Variants in CCBE1 observed in about 807,000 individuals in gnomAD.
The protein encoded by CCBE1 is collagen and calcium-binding EGF domain-containing protein 1.
A neutral mutation model predicts 50.0 loss-of-function variants in CCBE1; 37 were observed. The observed-to-expected ratio is 0.74, with a 90% CI of 0.57 to 0.97. The LOEUF is 0.97. Among genes scored for constraint, CCBE1 ranks in the 50% least tolerant of loss-of-function variants. The pLI is 0.00. For synonymous variants in CCBE1, 234 were observed against 203.7 expected, an observed-to-expected ratio of 1.15 and a Z score of -1.27; for missense variants, 538 against 523.8, an observed-to-expected ratio of 1.03 and a Z score of -0.26.
chr18:59,537,008 AT>A (rs1282938737), intron 2 of CCBE1, among the ~76,000 whole-genome samples: 8 of 151,128 alleles, frequency 5.3e-5, no homozygotes, highest in African/African-American at 9.8e-5. Flanking sequence ...AAAAAAAAAA[AT>A]GGATGTTTTT....
chr18:59,543,592 T>C (rs1243351650), intron 2 of CCBE1, among the ~76,000 whole-genome samples: 3 of 151,868 alleles, frequency 2.0e-5, no homozygotes, highest in Admixed American at 6.6e-5. Flanking sequence ...TCCCAGCACT[T>C]TGAGAGGCCG....
chr18:59,479,734 C>T (rs909372628), intron 3 of CCBE1, among the ~76,000 whole-genome samples: 6 of 152,200 alleles, frequency 3.9e-5, no homozygotes, highest in African/African-American at 7.2e-5. Context: ...GCTGGGTCCC[C>T]GCCTTACTTT....
chr18:59,652,776 A>T (rs1302387269), intron 2 of CCBE1, among the ~76,000 whole-genome samples: 1 of 152,204 alleles, frequency 6.6e-6, no homozygotes, highest in African/African-American at 2.4e-5. Context: ...CATCCTGGCT[A>T]ACACGGTGAA....
chr18:59,476,707 G>A (rs1912322703), intron 3 of CCBE1, among the ~76,000 whole-genome samples: 1 of 152,198 alleles, frequency 6.6e-6, no homozygotes, highest in African/African-American at 2.4e-5. Flanking sequence ...CCACTCATTA[G>A]TTAACGTATT....
intron 3 of CCBE1, among the ~76,000 whole-genome samples, chr18:59,477,575 T>G (rs1210976062): frequency 6.6e-6 from 1 of 151,844 alleles, no homozygotes; most frequent in African/African-American, 2.4e-5. Context: ...TGCACCTGCA[T>G]GCCAATCTTT....
chr18:59,635,926 C>G (rs2053910188), intron 2 of CCBE1, among the ~76,000 whole-genome samples: 1 of 152,114 alleles, frequency 6.6e-6, no homozygotes. Context: ...CTTTACTAGG[C>G]TGAGGTGGGA....
intron 2 of CCBE1, among the ~76,000 whole-genome samples, chr18:59,579,530 T>G (rs1222840234): frequency 6.6e-6 from 1 of 152,244 alleles, no homozygotes; most frequent in Non-Finnish European, 1.5e-5. Context: ...ACTATCATTA[T>G]TCTGGTTCCA....
intron 2 of CCBE1, among the ~76,000 whole-genome samples, chr18:59,532,786 C>CG (rs1915102133): frequency 6.6e-6 from 1 of 152,176 alleles, no homozygotes; most frequent in Non-Finnish European, 1.5e-5. Context: ...ATTCAAAATA[C>CG]GGAGATTTCA....
intron 3 of CCBE1, among the ~76,000 whole-genome samples, chr18:59,473,240 T>C (rs904638354): frequency 1.3e-5 from 2 of 152,216 alleles, no homozygotes; most frequent in Admixed American, 6.5e-5. Flanking sequence ...ACTGATAGTC[T>C]GTGTATATAA....
chr18:59,548,138 C>A (rs573863525), intron 2 of CCBE1, among the ~76,000 whole-genome samples: 1 of 152,172 alleles, frequency 6.6e-6, no homozygotes, highest in Non-Finnish European at 1.5e-5. Flanking sequence ...AAGACAGTCT[C>A]GTCTTATGAG....
intron 2 of CCBE1, among the ~76,000 whole-genome samples, chr18:59,586,626 G>A (rs752344801): frequency 5.3e-5 from 8 of 152,206 alleles, no homozygotes; most frequent in Admixed American, 3.3e-4. Context: ...CGATGGGAAA[G>A]AAAAGTTGGC....
At chr18:59,477,367 G>A (rs558688214) in intron 3 of CCBE1, among the ~76,000 whole-genome samples, 2 of 152,344 alleles carry the variant, frequency 1.3e-5, no homozygotes, top group East Asian at 3.9e-4. Flanking sequence ...ACCAGGTAGA[G>A]AAAGAACCAC....
At chr18:59,680,631 G>A (rs547164434) in intron 2 of CCBE1, among the ~76,000 whole-genome samples, 2 of 151,692 alleles carry the variant, frequency 1.3e-5, no homozygotes, top group Non-Finnish European at 1.5e-5. Context: ...CCGGGAGGCG[G>A]AGGTTGCAGT....
At chr18:59,494,185 G>C (rs1294149433) in intron 2 of CCBE1, among the ~76,000 whole-genome samples, 1 of 152,180 alleles carries the variant, frequency 6.6e-6, no homozygotes, top group African/African-American at 2.4e-5. Context: ...TCAATTTCAG[G>C]AGCCAGGGAA....
chr18:59,539,651 T>C (rs1057040788), intron 2 of CCBE1, among the ~76,000 whole-genome samples: 2 of 152,220 alleles, frequency 1.3e-5, no homozygotes, highest in Non-Finnish European at 2.9e-5. Flanking sequence ...CATAAGGCTA[T>C]TGGCAGTAAC....
intron 2 of CCBE1, among the ~76,000 whole-genome samples, chr18:59,501,214 G>A (rs1944297): frequency 0.072 from 10,950 of 152,214 alleles, 885 homozygotes; most frequent in East Asian, 0.34. Context: ...CAAGGCTGCC[G>A]GCTGGGACGT....
At chr18:59,440,623 ACT>A (rs969615491) in intron 7 of CCBE1, among the ~76,000 whole-genome samples, 45 of 151,074 alleles carry the variant, frequency 3.0e-4, no homozygotes, top group Non-Finnish European at 4.7e-4. Context: ...CAGCAAACTC[ACT>A]CTCTCTTGCA....
intron 2 of CCBE1, among the ~76,000 whole-genome samples, chr18:59,679,379 C>T (rs953213803): frequency 1.3e-5 from 2 of 152,144 alleles, no homozygotes; most frequent in Admixed American, 1.3e-4. Context: ...AGTTGTTTTT[C>T]TGTGTGATAA....
chr18:59,508,378 A>G (rs186824874), intron 2 of CCBE1, among the ~76,000 whole-genome samples: 1 of 151,864 alleles, frequency 6.6e-6, no homozygotes, highest in Non-Finnish European at 1.5e-5. Flanking sequence ...CAGGTGGATA[A>G]TTTGAGGTCA....
Sources: allele counts gnomAD v4.1 joint callset (sites outside exome capture counted in the v4.1 genomes callset), GRCh38; gene constraint gnomAD v4.1.1; transcripts MANE v1.5; gene names NCBI Gene and HGNC (gene_info 2026-07-23, HGNC 2026-07-21).